AP1B1: variants seen among roughly 807,000 people sequenced by gnomAD.
The protein encoded by AP1B1 is adaptor related protein complex 1 subunit beta 1.
Under a neutral mutation model 104.3 loss-of-function variants are expected in AP1B1, and 36 were observed. The ratio of observed to expected loss-of-function variants is 0.35; its 90% confidence interval spans 0.26 to 0.46. The LOEUF (loss-of-function observed/expected upper bound fraction) is 0.46, where lower values mean the gene tolerates loss of function less well. Among genes scored for constraint, AP1B1 ranks in the 20% least tolerant of loss-of-function variants. The probability of loss-of-function intolerance (pLI) is 1.00; values close to 1 mark genes in which losing one functional copy is unlikely to be tolerated. For missense variants in AP1B1, 901 were observed against 1,247.9 expected (o/e 0.72, Z 4.19); for synonymous variants, 504 against 517.5 (o/e 0.97, Z 0.35).
At chr22:29,362,048 T>A (rs1342811626) in intron 3 of AP1B1, among the ~76,000 whole-genome samples, 1 of 152,122 alleles carries the variant, frequency 6.6e-6, no homozygotes, top group African/African-American at 2.4e-5. Flanking sequence ...CGCCTCGGCC[T>A]CCCAAAGTGC....
At chr22:29,339,409 G>C (rs2061681730) in intron 15 of AP1B1, among the ~76,000 whole-genome samples, 1 of 152,144 alleles carries the variant, frequency 6.6e-6, no homozygotes, top group Non-Finnish European at 1.5e-5. Flanking sequence ...TGGATAAAAG[G>C]AGGTCCCAAG....
At position 29,366,138 on chromosome 22, in the gene AP1B1, G is replaced by C. The variant is rs142527215; in HGVS notation, c.37+1069C>G. On this transcript the variant is annotated intron_variant, in intron 2 of 22. Transcript: ENST00000357586. Reference sequence around the variant, plus strand: ...GGAATAAAGGGCTGGCCAGAAAGATGCTTACAGGGTTAAAGCACATTTGTC... The same window carrying C: ...GGAATAAAGGGCTGGCCAGAAAGATCCTTACAGGGTTAAAGCACATTTGTC... Among the ~76,000 whole-genome samples, 335 of 152,236 alleles carry C rather than the reference G, an allele frequency of 2.2e-3. 2 individuals carry two copies. The highest frequency in any genetic ancestry group is 6.8e-3 in the South Asian group (33 of 4,822).
intron 1 of AP1B1, among the ~76,000 whole-genome samples, chr22:29,382,361 T>C (rs2062450270): frequency 6.6e-6 from 1 of 152,214 alleles, no homozygotes; most frequent in East Asian, 1.9e-4. Context: ...ATGTACAACC[T>C]TAAGAAGGTA....
intron 5 of AP1B1, 50 bp from the exon 6 acceptor site, chr22:29,356,666 C>T (rs374778085): frequency 2.7e-5 from 42 of 1,553,632 alleles, no homozygotes; most frequent in Non-Finnish European, 3.4e-5. Context: ...GCTCACAGGC[C>T]AGGGGGCAGT....
rs549896567 is a variant in AP1B1, at chr22:29,369,392, GAAGGAA to G, written c.-27-2128_-27-2123del. ...TCACCTTAAATCCTTTGTGGATCCTGAAGGAATAAAGGAATAAAGGCTTCACTGACA... is the reference window on the plus strand; with the variant it reads ...TCACCTTAAATCCTTTGTGGATCCTGTAAAGGAATAAAGGCTTCACTGACA... On this transcript the variant is annotated intron_variant, in intron 1 of 22. Coordinates refer to ENST00000357586, the MANE Select transcript of AP1B1 (RefSeq NM_001127.4). 9.7e-3 allele frequency among the ~76,000 whole-genome samples: 1,484 copies of G among 152,206 alleles called. 28 individuals carry two copies. The highest frequency in any genetic ancestry group is 0.033 in the African/African-American group (1,363 of 41,494).
At chr22:29,369,843 T>G (rs1023789323) in intron 1 of AP1B1, among the ~76,000 whole-genome samples, 5 of 144,220 alleles carry the variant, frequency 3.5e-5, no homozygotes, top group Non-Finnish European at 5.9e-5. Flanking sequence ...AACGATTTTT[T>G]TTTTTTTTTT....
chr22:29,340,755 G>A lies in AP1B1; in HGVS notation c.1899C>T (p.Leu633=), dbSNP rs1276268442. ...TCACTGGGGGGCCGAGGTCCAGGTT[G>A]AGGAGGTCACCCAGCAGGTCGCCCT... ...PAQGDLLGDL[L]NLDLGPPVSG... The change falls in exon 14 of 23, where the codon CTC becomes CTT. Residue 633 remains leucine, a synonymous_variant. Coordinates refer to ENST00000357586, the MANE Select transcript of AP1B1 (RefSeq NM_001127.4). 2 of 1,598,482 alleles carry A rather than the reference G, an allele frequency of 1.3e-6. No individual in the cohort carries two copies. The highest frequency in any genetic ancestry group is 4.5e-5 in the East Asian group (2 of 44,378).
chr22:29,329,866 G>C, intron 21 of AP1B1, 146 bp from the exon 22 acceptor site: 4 of 1,488,670 alleles, frequency 2.7e-6, no homozygotes, highest in Non-Finnish European at 3.6e-6. Context: ...GGAGGGCCAT[G>C]CCTGCCAGAG....
In AP1B1 at chr22:29,329,359, GCCTCCGCT is replaced by G; in HGVS notation, c.2775+345_2775+352del. On this transcript the variant is annotated intron_variant, in intron 22 of 22. Transcript: ENST00000357586. ...AGGAAGCAGGCACGGTAGAGACTTTGCCTCCGCTCTGGGGCCTGAGCTTGAGATCACAG... is the reference window on the plus strand; with the variant it reads ...AGGAAGCAGGCACGGTAGAGACTTTGCTGGGGCCTGAGCTTGAGATCACAG... The G allele has an allele frequency of 5.8e-6, 7 of 1,212,552 alleles. No homozygotes were observed. In the South Asian group the frequency reaches 1.8e-4, roughly 30 times the overall value. 75.1% of individuals were successfully genotyped at this position (1,212,552 alleles called of 1,614,324 possible).
chr22:29,358,353 A>G (rs770720853), intron 5 of AP1B1, among the ~76,000 whole-genome samples: 2 of 152,214 alleles, frequency 1.3e-5, no homozygotes, highest in Non-Finnish European at 2.9e-5. Flanking sequence ...GACAGCAACA[A>G]TAACAGTGAC....
Position 29,328,920 on chromosome 22 carries a change from G to A in AP1B1, c.2776-25C>T. 4 of 1,598,580 alleles carry A rather than the reference G, an allele frequency of 2.5e-6. No homozygotes were observed. The highest frequency in any genetic ancestry group is 2.6e-6 in the Non-Finnish European group (3 of 1,174,950). ...GCTGCAGGGGAGAGAGGGGTCGGGG[G>A]AAAGAGCGCTCATCCCTGGGGTTCC... On this transcript the variant is annotated intron_variant, in intron 22 of 22. Coordinates refer to ENST00000357586, the MANE Select transcript of AP1B1 (RefSeq NM_001127.4). This position sits in a 1 kb window ranked among gnomAD's most constrained non-coding sequence, Gnocchi z 4.1.
chr22:29,357,135 C>T (rs1231789959), intron 5 of AP1B1, among the ~76,000 whole-genome samples: 3 of 151,044 alleles, frequency 2.0e-5, no homozygotes, highest in African/African-American at 7.3e-5. Flanking sequence ...GTGATCTCAG[C>T]TCACTGCAAC....
chr22:29,339,389 G>A (rs564672026), intron 15 of AP1B1, among the ~76,000 whole-genome samples: 2 of 152,130 alleles, frequency 1.3e-5, no homozygotes, highest in African/African-American at 4.8e-5. Flanking sequence ...CCAAATTGAC[G>A]CTCAGCCTAT....
At chr22:29,346,866 T>C (rs1166806738) in intron 11 of AP1B1, among the ~76,000 whole-genome samples, 1 of 152,160 alleles carries the variant, frequency 6.6e-6, no homozygotes, top group Non-Finnish European at 1.5e-5. Flanking sequence ...TCACCCAGCA[T>C]CTATTCTGTC....
intron 16 of AP1B1, among the ~76,000 whole-genome samples, chr22:29,335,286 G>A (rs1398191806): frequency 6.6e-6 from 1 of 152,154 alleles, no homozygotes; most frequent in East Asian, 1.9e-4. Flanking sequence ...CGGCTCACAG[G>A]CCCCTTGAGG....
chr22:29,341,624 G>C lies in AP1B1; in HGVS notation c.1673C>G (p.Thr558Arg). 1.2e-6 allele frequency: 2 copies of C among 1,614,252 alleles called. No individual in the cohort carries two copies. The highest frequency in any genetic ancestry group is 1.7e-6 in the Non-Finnish European group (2 of 1,180,044). Residue 558 changes from threonine (T) to arginine (R), a missense_variant, in exon 13 of 23, where the codon ACA becomes AGA. Coordinates refer to ENST00000357586, the MANE Select transcript of AP1B1 (RefSeq NM_001127.4). ...GTAGCAGATAAGCTCGTCTAACAGT[G>C]TGGGCTCGATGAGGTCCGTCTCTTC... is the stretch of plus-strand genomic sequence containing the variant. ...ISEETDLIEP[T>R]LLDELICYIG...
intron 16 of AP1B1, among the ~76,000 whole-genome samples, chr22:29,335,138 C>T (rs1220322857): frequency 6.6e-6 from 1 of 152,204 alleles, no homozygotes; most frequent in Non-Finnish European, 1.5e-5. Flanking sequence ...CACCTTGGCT[C>T]AGAGCCTGGT....
In AP1B1 at chr22:29,331,820, C is replaced by T. The variant is rs1443503483; in HGVS notation, c.2406G>A (p.Ser802=). ...TGTTCAGAGGCTCCATCTTCATGACCGAGCCCACCGTGCTGAGAGGCAGGG... is the reference window on the plus strand; with the variant it reads ...TGTTCAGAGGCTCCATCTTCATGACTGAGCCCACCGTGCTGAGAGGCAGGG... The part of the protein sequence containing the change: ...EISLPLSTVG[S]VMKMEPLNNL... The change falls in exon 18 of 23, where the codon TCG becomes TCA. Residue 802 remains serine, a synonymous_variant. Transcript: ENST00000357586. 1.7e-5 allele frequency: 27 copies of T among 1,613,916 alleles called. No homozygotes were observed. Among genetic ancestry groups the T allele is most frequent in the Admixed American group, 5.0e-5 (3 of 59,984 alleles).
chr22:29,388,016 T>G (rs1003140980), intron 1 of AP1B1, among the ~76,000 whole-genome samples: 3 of 151,700 alleles, frequency 2.0e-5, no homozygotes, highest in Non-Finnish European at 4.4e-5. Context: ...CGTTTTCTAG[T>G]TTTTTTTTCT....
Sources: allele counts gnomAD v4.1 joint callset (sites outside exome capture counted in the v4.1 genomes callset), GRCh38; gene constraint gnomAD v4.1.1; non-coding constraint Gnocchi (gnomAD v3.1); transcripts MANE v1.5; gene names NCBI Gene and HGNC (gene_info 2026-07-23, HGNC 2026-07-21).